The following CACNA2D1 variants were observed in gnomAD, a reference collection of about 807,000 sequenced individuals.
CACNA2D1 encodes the protein calcium voltage-gated channel auxiliary subunit alpha2delta 1, also known as voltage-dependent calcium channel subunit alpha-2/delta-1.
CACNA2D1 carries 53 observed loss-of-function variants against 171.5 expected under a neutral mutation model. The observed-to-expected ratio is 0.31, with a 90% confidence interval of 0.25 to 0.39. The LOEUF (loss-of-function observed/expected upper bound fraction) is 0.39. CACNA2D1 is among the 10% of genes least tolerant of loss of function. The pLI is 1.00. For missense variants in CACNA2D1, 903 were observed against 1,299.8 expected (o/e 0.69, Z 4.69); for synonymous variants, 442 against 443.1 (o/e 1.00, Z 0.03).
At chr7:82,029,552 C>T (rs1329251573) in intron 12 of CACNA2D1, 1 of 151,726 alleles carries the variant, frequency 6.6e-6, no homozygotes, top group Non-Finnish European at 1.5e-5. Context: ...AAAAGAAAAA[C>T]AGCTTATATT....
At chr7:82,321,141 A>G (rs1217029322) in intron 3 of CACNA2D1, among the ~76,000 whole-genome samples, 4 of 152,130 alleles carry the variant, frequency 2.6e-5, no homozygotes, top group Non-Finnish European at 5.9e-5. Flanking sequence ...GCTCACGCCT[A>G]TAACCCCAGC....
intron 6 of CACNA2D1, among the ~76,000 whole-genome samples, chr7:82,098,360 A>G (rs1014255150): frequency 6.6e-6 from 1 of 152,128 alleles, no homozygotes; most frequent in African/African-American, 2.4e-5. Flanking sequence ...TATAAAACTC[A>G]CTCTATCAAG....
intron 3 of CACNA2D1, among the ~76,000 whole-genome samples, chr7:82,315,088 G>A (rs1814949047): frequency 6.6e-6 from 1 of 150,618 alleles, no homozygotes; most frequent in South Asian, 2.1e-4. Context: ...AGTGAGCCGA[G>A]ATTGTGCCAC....
At chr7:82,253,297 C>T (rs1245720093) in intron 3 of CACNA2D1, among the ~76,000 whole-genome samples, 1 of 152,078 alleles carries the variant, frequency 6.6e-6, no homozygotes, top group Non-Finnish European at 1.5e-5. Flanking sequence ...GAATCTAAAG[C>T]AAGAAGACAG....
intron 3 of CACNA2D1, among the ~76,000 whole-genome samples, chr7:82,304,375 C>T (rs1383228857): frequency 2.0e-5 from 3 of 150,004 alleles, no homozygotes; most frequent in African/African-American, 7.3e-5. Flanking sequence ...AGAAAATCAG[C>T]GTATTAAAAG....
chr7:81,977,731 T>C (rs1032210785), intron 24 of CACNA2D1, among the ~76,000 whole-genome samples: 1 of 152,080 alleles, frequency 6.6e-6, no homozygotes, highest in South Asian at 2.1e-4. Context: ...AAAGCCAAAA[T>C]TGACAAATGG....
At chr7:82,288,416 C>T (rs922146021) in intron 3 of CACNA2D1, among the ~76,000 whole-genome samples, 2 of 96,118 alleles carry the variant, frequency 2.1e-5, no homozygotes, top group African/African-American at 8.9e-5. Context: ...TATTATTTTG[C>T]TTCTATACAC....
At chr7:82,301,899 G>A (rs538880441) in intron 3 of CACNA2D1, among the ~76,000 whole-genome samples, 2 of 151,646 alleles carry the variant, frequency 1.3e-5, no homozygotes, top group East Asian at 2.0e-4. Context: ...CTGGAATTAC[G>A]GGTGCCTGCC....
At chr7:82,329,660 T>A (rs1044991540) in intron 3 of CACNA2D1, among the ~76,000 whole-genome samples, 1 of 152,178 alleles carries the variant, frequency 6.6e-6, no homozygotes, top group African/African-American at 2.4e-5. Flanking sequence ...TGATTATATC[T>A]TTTTTGCTTC....
At chr7:82,171,285 G>A (rs1242984090) in intron 3 of CACNA2D1, among the ~76,000 whole-genome samples, 1 of 152,044 alleles carries the variant, frequency 6.6e-6, no homozygotes, top group East Asian at 1.9e-4. Context: ...GACATTGCTA[G>A]TGTCAGCCTG....
intron 3 of CACNA2D1, among the ~76,000 whole-genome samples, chr7:82,181,123 C>T (rs1263900824): frequency 2.6e-5 from 3 of 115,288 alleles, no homozygotes; most frequent in Non-Finnish European, 3.3e-5. Context: ...AAAACGACTA[C>T]GAGGGGAAGA....
At chr7:82,038,622 A>C (rs530430717) in intron 10 of CACNA2D1, among the ~76,000 whole-genome samples, 1 of 152,216 alleles carries the variant, frequency 6.6e-6, no homozygotes, top group Non-Finnish European at 1.5e-5. Flanking sequence ...CATGTTAAAT[A>C]TTTTCATTGC....
At chr7:82,023,917 A>ATT (rs1034630170) in intron 12 of CACNA2D1, 2 of 151,688 alleles carry the variant, frequency 1.3e-5, no homozygotes, top group African/African-American at 4.8e-5. Flanking sequence ...ATCATGCAAT[A>ATT]TTTTTTGATT....
chr7:82,213,960 CCAGG>C (rs1343543405), intron 3 of CACNA2D1, among the ~76,000 whole-genome samples: 4 of 152,124 alleles, frequency 2.6e-5, no homozygotes, highest in Non-Finnish European at 5.9e-5. Context: ...GATCAATGCA[CCAGG>C]AGATTCAGTG....
chr7:82,117,244 ACT>A (rs1184783912), intron 5 of CACNA2D1, 71 bp from the exon 6 acceptor site: 5 of 1,441,322 alleles, frequency 3.5e-6, no homozygotes, highest in Admixed American at 1.7e-5. Flanking sequence ...GCACTTCTTT[ACT>A]TGCCAAATGC....
chr7:82,270,381 A>G (rs2129348719), intron 3 of CACNA2D1, among the ~76,000 whole-genome samples: 1 of 152,168 alleles, frequency 6.6e-6, no homozygotes, highest in African/African-American at 2.4e-5. Flanking sequence ...TTGGCTCATC[A>G]CTATTGTTGT....
chr7:82,215,052 C>T (rs529327283), intron 3 of CACNA2D1, among the ~76,000 whole-genome samples: 135 of 152,284 alleles, frequency 8.9e-4, no homozygotes, highest in African/African-American at 3.1e-3. Flanking sequence ...GAAATTGACC[C>T]TCCTGGTCTT....
At chr7:81,951,664 C>A (rs997374064) in intron 38 of CACNA2D1, among the ~76,000 whole-genome samples, 3 of 151,996 alleles carry the variant, frequency 2.0e-5, no homozygotes, top group Non-Finnish European at 4.4e-5. Flanking sequence ...GCTGCAAATG[C>A]CATTATTTCA....
intron 3 of CACNA2D1, among the ~76,000 whole-genome samples, chr7:82,228,883 G>A (rs1802619231): frequency 1.3e-5 from 2 of 151,974 alleles, no homozygotes; most frequent in Admixed American, 1.3e-4. Flanking sequence ...CAATCATACT[G>A]GGATCTCTGG....
Sources: allele counts gnomAD v4.1 joint callset (sites outside exome capture counted in the v4.1 genomes callset), GRCh38; gene constraint gnomAD v4.1.1; transcripts MANE v1.5; gene names NCBI Gene and HGNC (gene_info 2026-07-23, HGNC 2026-07-21).